Variants in CDH20 observed in about 807,000 individuals in gnomAD.
CDH20 encodes the protein cadherin-20.
In CDH20, 29 loss-of-function variants were observed where a neutral mutation model predicts 74.2. That is an observed-to-expected ratio of 0.39 (90% CI 0.29 to 0.53). CDH20 has a LOEUF of 0.53. Ranked by LOEUF, CDH20 falls within the 20% of genes least tolerant of loss-of-function variation. The pLI is 0.69. For missense variants in CDH20, 988 were observed against 1,048.3 expected (o/e 0.94, Z 0.79); for synonymous variants, 469 against 405.4 (o/e 1.16, Z -1.88).
intron 1 of CDH20, among the ~76,000 whole-genome samples, chr18:61,425,393 G>T (rs1028349590): frequency 6.6e-6 from 1 of 152,210 alleles, no homozygotes; most frequent in African/African-American, 2.4e-5. Flanking sequence ...AGATAGAGAA[G>T]AAGGGATGTG....
intron 1 of CDH20, among the ~76,000 whole-genome samples, chr18:61,397,650 C>G (rs565621510): frequency 1.1e-4 from 16 of 152,254 alleles, no homozygotes; most frequent in Admixed American, 9.2e-4. Flanking sequence ...TCCAGGAGAA[C>G]AGAGACTACC....
rs531520521 is a variant in CDH20, at chr18:61,397,498, C to T, written c.-153+63671C>T. 5.9e-5 allele frequency among the ~76,000 whole-genome samples: 9 copies of T among 152,238 alleles called. No homozygotes were observed. In the South Asian group the frequency reaches 1.5e-3, roughly 25 times the overall value. ...CCGGGCTGGCTCCTTTTAACCAACCCTGCCTCCATGTAAATGTCACTTCCC... is the reference window on the plus strand; with the variant it reads ...CCGGGCTGGCTCCTTTTAACCAACCTTGCCTCCATGTAAATGTCACTTCCC... On this transcript the variant is annotated intron_variant, in intron 1 of 11. Coordinates refer to ENST00000262717, the MANE Select transcript of CDH20 (RefSeq NM_031891.4).
At chr18:61,336,824 G>C (rs1325443690) in intron 1 of CDH20, among the ~76,000 whole-genome samples, 2 of 150,470 alleles carry the variant, frequency 1.3e-5, no homozygotes, top group African/African-American at 4.9e-5. Flanking sequence ...ATATGGGGGG[G>C]GGTGATGAGA....
At chr18:61,538,996 G>T in intron 8 of CDH20, 28 bp from the exon 9 acceptor site, 1 of 1,605,146 alleles carries the variant, frequency 6.2e-7, no homozygotes, top group African/African-American at 1.3e-5. Context: ...TAAACTCTCA[G>T]ATTTGGTTTT....
At chr18:61,447,886 GC>G (rs1909253424) in intron 1 of CDH20, among the ~76,000 whole-genome samples, 1 of 152,072 alleles carries the variant, frequency 6.6e-6, no homozygotes, top group South Asian at 2.1e-4. Flanking sequence ...ACTAACGCTT[GC>G]TCCTGCCACT....
chr18:61,426,715 AT>A (rs1913082860), intron 1 of CDH20, among the ~76,000 whole-genome samples: 1 of 152,134 alleles, frequency 6.6e-6, no homozygotes, highest in Non-Finnish European at 1.5e-5. Context: ...TGTGTGATTC[AT>A]TTTCTTTGCA....
At chr18:61,544,708 C>T (rs1301629382) in intron 9 of CDH20, among the ~76,000 whole-genome samples, 4 of 152,056 alleles carry the variant, frequency 2.6e-5, no homozygotes, top group Admixed American at 6.5e-5. Flanking sequence ...GTGTCTGTGC[C>T]CGCTAAGGTC....
At chr18:61,451,034 T>C (rs1482954228) in intron 1 of CDH20, among the ~76,000 whole-genome samples, 1 of 152,086 alleles carries the variant, frequency 6.6e-6, no homozygotes, top group Non-Finnish European at 1.5e-5. Flanking sequence ...GGATAAAATA[T>C]GGCTTGGTCA....
intron 10 of CDH20, among the ~76,000 whole-genome samples, chr18:61,545,601 G>A (rs942403416): frequency 5.9e-5 from 9 of 151,644 alleles, no homozygotes; most frequent in South Asian, 2.1e-4. Context: ...CTGTAACAAC[G>A]GGAAAAATCT....
At chr18:61,443,638 T>C (rs1190673346) in intron 1 of CDH20, among the ~76,000 whole-genome samples, 2 of 152,154 alleles carry the variant, frequency 1.3e-5, no homozygotes, top group Admixed American at 6.5e-5. Flanking sequence ...GCAAATCAGC[T>C]GCATGACTAA....
chr18:61,411,580 GTATATATATATATATATATATATATA>G (rs145701176), intron 1 of CDH20, among the ~76,000 whole-genome samples: 3 of 149,844 alleles, frequency 2.0e-5, no homozygotes, highest in Admixed American at 1.3e-4. Context: ...GTGTGTGTGT[GTATATATATATATATATATATATATA>G]TATATATATA....
intron 2 of CDH20, among the ~76,000 whole-genome samples, chr18:61,493,690 CA>C (rs546602595): frequency 1.4e-3 from 215 of 152,344 alleles, no homozygotes; most frequent in African/African-American, 4.9e-3. Context: ...TAAAATCAGA[CA>C]ATTCTATCAT....
chr18:61,537,541 A>G (rs1912855448), intron 8 of CDH20, among the ~76,000 whole-genome samples: 1 of 152,226 alleles, frequency 6.6e-6, no homozygotes. Context: ...ACCTTACCCT[A>G]AAATATTAAT....
chr18:61,473,870 G>A (rs1345017709), intron 1 of CDH20, among the ~76,000 whole-genome samples: 3 of 152,146 alleles, frequency 2.0e-5, no homozygotes, highest in South Asian at 2.1e-4. Flanking sequence ...AGTAAGAGTA[G>A]GAATATCTAG....
chr18:61,431,019 T>C (rs1166411636), intron 1 of CDH20, among the ~76,000 whole-genome samples: 1 of 152,196 alleles, frequency 6.6e-6, no homozygotes. Context: ...TATATGTATA[T>C]ATGTGAACTT....
At chr18:61,378,728 T>G (rs779582053) in intron 1 of CDH20, among the ~76,000 whole-genome samples, 2 of 152,214 alleles carry the variant, frequency 1.3e-5, no homozygotes, top group Non-Finnish European at 2.9e-5. Flanking sequence ...AGCTCTGATT[T>G]AGATCAAATG....
intron 1 of CDH20, among the ~76,000 whole-genome samples, chr18:61,363,893 G>T (rs1013528707): frequency 6.6e-6 from 1 of 152,020 alleles, no homozygotes; most frequent in Admixed American, 6.6e-5. Context: ...ATCCTCCCCC[G>T]GGTGAATTTT....
In CDH20 at chr18:61,551,590, G is replaced by C. The variant is rs1187691032; in HGVS notation, c.1900+1361G>C. 1.3e-5 allele frequency among the ~76,000 whole-genome samples: 2 copies of C among 152,210 alleles called. 1 individual carries two copies. The highest frequency in any genetic ancestry group is 4.8e-5 in the African/African-American group (2 of 41,460). On this transcript the variant is annotated intron_variant, in intron 11 of 11. Coordinates refer to ENST00000262717, the MANE Select transcript of CDH20 (RefSeq NM_031891.4). ...GTAAAGAGAGGAAGAGTATAAATAA[G>C]TAACCTTTCTAAGTTCTTGGATCCC...
chr18:61,554,355 C>T lies in CDH20; in HGVS notation c.2066C>T (p.Ala689Val). ...GCGGCCATGTGGAACCCCCGGGAGG[C>T]GCAGGCGGGGGCCGCCCCCAAGACG... ...DIAAMWNPRE[A>V]QAGAAPKTRQ... Residue 689 changes from alanine to valine, a missense_variant, in exon 12 of 12, where the codon GCG (alanine) becomes GTG (valine). Coordinates refer to ENST00000262717, the MANE Select transcript of CDH20 (RefSeq NM_031891.4). 3 of 1,613,252 alleles carry T rather than the reference C, an allele frequency of 1.9e-6. No individual in the cohort carries two copies. The highest frequency in any genetic ancestry group is 2.5e-6 in the Non-Finnish European group (3 of 1,179,824).
Sources: allele counts gnomAD v4.1 joint callset (sites outside exome capture counted in the v4.1 genomes callset), GRCh38; gene constraint gnomAD v4.1.1; transcripts MANE v1.5; gene names NCBI Gene and HGNC (gene_info 2026-07-23, HGNC 2026-07-21).